Variants in FAM114A2 observed in about 807,000 individuals in gnomAD.
FAM114A2 encodes family with sequence similarity 114 member A2.
In FAM114A2, 53 loss-of-function variants were observed where a neutral mutation model predicts 58.4. The ratio of observed to expected loss-of-function variants is 0.91; its 90% CI spans 0.73 to 1.14. The LOEUF is 1.14. Among genes scored for constraint, FAM114A2 ranks in the 50% most tolerant of loss-of-function variants. The pLI is 0.00. For synonymous variants in FAM114A2, 228 were observed against 211.4 expected, an observed-to-expected ratio of 1.08 and a Z score of -0.68; for missense variants, 601 against 581.1, an observed-to-expected ratio of 1.03 and a Z score of -0.35.
intron 8 of FAM114A2, among the ~76,000 whole-genome samples, chr5:154,019,286 C>T (rs944910773): frequency 1.3e-5 from 2 of 151,992 alleles, no homozygotes; most frequent in African/African-American, 4.8e-5. Flanking sequence ...ACCTCTTTTA[C>T]AATAGCTGCA....
chr5:154,026,223 T>C (rs963250744), intron 8 of FAM114A2, 176 bp downstream of exon 8: 4 of 391,214 alleles, frequency 1.0e-5, no homozygotes, highest in Admixed American at 4.9e-5. Flanking sequence ...CCCCCATCAA[T>C]GCCTAGTCAG....
chr5:154,029,910 T>G (rs1222119500), intron 4 of FAM114A2, among the ~76,000 whole-genome samples: 1 of 152,078 alleles, frequency 6.6e-6, no homozygotes, highest in Non-Finnish European at 1.5e-5. Context: ...TGCTAAGAAC[T>G]GAGAGTAAGG....
In FAM114A2 at chr5:153,990,422, T is replaced by C. The variant is rs1769208583; in HGVS notation, c.*2554A>G. ...TCACATTTGTACACCTAGCACTGAT[T>C]TCAGATTCATAGTAATGCCATCTAT... On this transcript the variant is annotated 3_prime_UTR_variant, in exon 14 of 14. Transcript: ENST00000351797. The C allele has an allele frequency of 6.6e-6, 1 of 151,974 alleles. No individual in the cohort carries two copies. 9.4% of individuals were successfully genotyped at this position (151,974 alleles called of 1,614,324 possible).
chr5:154,034,947 C>T lies in FAM114A2; in HGVS notation c.7G>A (p.Asp3Asn). 1 of 1,612,602 alleles carries T rather than the reference C, an allele frequency of 6.2e-7. No homozygotes were observed. Among genetic ancestry groups the T allele is most frequent in the Non-Finnish European group, 8.5e-7 (1 of 1,178,972 alleles). Residue 3 changes from aspartate to asparagine, a missense_variant, in exon 2 of 14, where the codon GAT (aspartate) becomes AAT (asparagine). Transcript: ENST00000351797. MS[D>N]KDDIETPLLT... ...AGTGGAGTCTCAATATCATCTTTAT[C>T]TGACATGATTAGAACATCAGCTGGT... is the stretch of plus-strand genomic sequence containing the variant.
chr5:153,999,914 G>GGTGTGTATGCGTGT (rs1769857107), intron 11 of FAM114A2, among the ~76,000 whole-genome samples: 1 of 151,740 alleles, frequency 6.6e-6, no homozygotes, highest in African/African-American at 2.4e-5. Flanking sequence ...AAGAAAATGT[G>GGTGTGTATGCGTGT]GTGTGTATGC....
intron 9 of FAM114A2, among the ~76,000 whole-genome samples, chr5:154,006,240 T>G (rs1333189088): frequency 6.6e-6 from 1 of 152,240 alleles, no homozygotes; most frequent in Non-Finnish European, 1.5e-5. Flanking sequence ...GTGCCAGTGC[T>G]GGGGATTCAA....
Position 154,034,327 on chromosome 5 carries a change from G to C in FAM114A2, c.261C>G (p.Ser87Arg). 6.2e-7 allele frequency: 1 copy of C among 1,600,546 alleles called. No individual in the cohort carries two copies. The highest frequency in any genetic ancestry group is 8.5e-7 in the Non-Finnish European group (1 of 1,172,460). ...CTGAGGAGAGTATGGACTTGCCCCAGCTCCCCCAATAACCCCATCTGGTCT... is the reference window on the plus strand; with the variant it reads ...CTGAGGAGAGTATGGACTTGCCCCACCTCCCCCAATAACCCCATCTGGTCT... ...VPQTRWGYWG[S>R]WGKSILSSAS... The change falls in exon 3 of 14, where the codon AGC (serine) becomes AGG (arginine). Residue 87 changes from serine to arginine, a missense_variant. Ser to Arg is a moderately radical substitution (Grantham distance 110). Transcript: ENST00000351797.
chr5:154,021,951 G>C (rs1354940169), intron 8 of FAM114A2, among the ~76,000 whole-genome samples: 2 of 152,144 alleles, frequency 1.3e-5, no homozygotes, highest in African/African-American at 4.8e-5. Context: ...GGGAAATATA[G>C]ACCAATGGAA....
chr5:153,997,753 G>T, intron 12 of FAM114A2, 50 bp downstream of exon 12: 4 of 1,119,480 alleles, frequency 3.6e-6, no homozygotes, highest in Admixed American at 1.8e-5. Context: ...TATTTAAACT[G>T]CTAAAGAAAC....
intron 4 of FAM114A2, among the ~76,000 whole-genome samples, chr5:154,032,827 T>C (rs919351243): frequency 3.3e-5 from 5 of 152,212 alleles, no homozygotes; most frequent in African/African-American, 9.6e-5. Context: ...CTTGACATCA[T>C]TGAGCCACTA....
chr5:153,992,819 C>T lies in FAM114A2; in HGVS notation c.*157G>A, dbSNP rs1769316781. 1.1e-5 allele frequency: 6 copies of T among 536,694 alleles called. No homozygotes were observed. In the Admixed American group the frequency reaches 1.3e-4, roughly 12 times the overall value. The allele number at this position is 536,694 out of a possible 1,614,324, so 33.2% of individuals were successfully genotyped here. On this transcript the variant is annotated 3_prime_UTR_variant, in exon 14 of 14. Coordinates refer to ENST00000351797, the MANE Select transcript of FAM114A2 (RefSeq NM_018691.4). Reference sequence around the variant, plus strand: ...ACTGTGAGAACCTGAATACTTCAATCAAACACTGAAGGCAACAATCTTCCT... The same window carrying T: ...ACTGTGAGAACCTGAATACTTCAATTAAACACTGAAGGCAACAATCTTCCT...
At chr5:154,006,903 TCTC>T (rs1770387835) in intron 9 of FAM114A2, among the ~76,000 whole-genome samples, 1 of 151,626 alleles carries the variant, frequency 6.6e-6, no homozygotes, top group Non-Finnish European at 1.5e-5. Flanking sequence ...TTCAAGCTAT[TCTC>T]CTGCCTCAGC....
Position 154,034,729 on chromosome 5 carries a change from T to C in FAM114A2, c.210+15A>G, listed in dbSNP as rs1321710577. 13 of 1,568,836 alleles carry C rather than the reference T, an allele frequency of 8.3e-6. No homozygotes were observed. The highest frequency in any genetic ancestry group is 1.1e-5 in the Non-Finnish European group (13 of 1,139,680). Reference sequence around the variant, plus strand: ...ATTTTAATAGATACCCTACTTTTTCTGTGGTCTGTGATACCTGAATAGGGA... The same window carrying C: ...ATTTTAATAGATACCCTACTTTTTCCGTGGTCTGTGATACCTGAATAGGGA... On this transcript the variant is annotated intron_variant, in intron 2 of 13. Transcript: ENST00000351797.
intron 8 of FAM114A2, among the ~76,000 whole-genome samples, chr5:154,018,522 C>A (rs1018029764): frequency 3.3e-5 from 5 of 151,876 alleles, no homozygotes; most frequent in Middle Eastern, 3.4e-3. Context: ...TACTATTTCA[C>A]AAGATAAAGA....
At chr5:153,994,270 C>A (rs1160355752) in intron 13 of FAM114A2, among the ~76,000 whole-genome samples, 1 of 151,936 alleles carries the variant, frequency 6.6e-6, no homozygotes, top group Non-Finnish European at 1.5e-5. Flanking sequence ...ATATTTTCTC[C>A]CCCCAGACTT....
intron 8 of FAM114A2, among the ~76,000 whole-genome samples, chr5:154,025,452 A>T (rs909277973): frequency 2.0e-5 from 3 of 152,176 alleles, no homozygotes; most frequent in Non-Finnish European, 2.9e-5. Context: ...TATAATTTTT[A>T]AAAAATTCCT....
At chr5:154,023,304 AG>A (rs1165694902) in intron 8 of FAM114A2, among the ~76,000 whole-genome samples, 1 of 152,208 alleles carries the variant, frequency 6.6e-6, no homozygotes, top group Non-Finnish European at 1.5e-5. Flanking sequence ...AATTTAAAAA[AG>A]AAAAAGATAC....
intron 9 of FAM114A2, among the ~76,000 whole-genome samples, chr5:154,006,543 A>G (rs4412158): frequency 0.65 from 99,108 of 151,950 alleles, 32,688 homozygotes; most frequent in East Asian, 0.88. Flanking sequence ...ATAGAGGATG[A>G]GGAGTGTGAC....
In FAM114A2 at chr5:153,993,062, G is replaced by GT. The variant is rs778371483; in HGVS notation, c.1431dup (p.Pro478ThrfsTer9). 21 of 1,612,866 alleles carry GT rather than the reference G, an allele frequency of 1.3e-5. No individual in the cohort carries two copies. In the South Asian group the frequency reaches 2.2e-4, roughly 17 times the overall value. On this transcript the variant is annotated frameshift_variant, in exon 14 of 14. Coordinates refer to ENST00000351797, the MANE Select transcript of FAM114A2 (RefSeq NM_018691.4). LOFTEE classifies it high-confidence loss of function. Reference sequence around the variant, plus strand: ...TCAATGAGAGAGATCTCTAGCACAGGTAAGAGTAGCTGAAAGGCGTCCTGG... The same window carrying GT: ...TCAATGAGAGAGATCTCTAGCACAGGTTAAGAGTAGCTGAAAGGCGTCCTGG...
Sources: allele counts gnomAD v4.1 joint callset (sites outside exome capture counted in the v4.1 genomes callset), GRCh38; gene constraint gnomAD v4.1.1; transcripts MANE v1.5; gene names NCBI Gene and HGNC (gene_info 2026-07-23, HGNC 2026-07-21).